The following ENTHD1 variants were observed in gnomAD, a reference collection of about 807,000 sequenced individuals.
ENTHD1 encodes ENTH domain-containing protein 1.
Under a neutral mutation model 39.1 loss-of-function variants are expected in ENTHD1, and 23 were observed. That is an observed-to-expected ratio of 0.59 (90% CI 0.42 to 0.83). The LOEUF (loss-of-function observed/expected upper bound fraction) is 0.83. Among genes scored for constraint, ENTHD1 ranks in the 40% least tolerant of loss-of-function variants. ENTHD1 has a pLI of 0.00. For missense variants in ENTHD1, 624 were observed against 705.4 expected (o/e 0.88, Z 1.31); for synonymous variants, 230 against 258.2 (o/e 0.89, Z 1.05).
chr22:39,854,874 A>C lies in ENTHD1; in HGVS notation c.592+6891T>G, dbSNP rs576123593. ...TCAATTTTACATTTCACTGTAACTA[A>C]ATAACTTAGAGACATCTTTAGACTC... On this transcript the variant is annotated intron_variant, in intron 3 of 6. Coordinates refer to ENST00000325157, the MANE Select transcript of ENTHD1 (RefSeq NM_152512.4). Among the ~76,000 whole-genome samples the C allele has an allele frequency of 3.9e-5, 6 of 152,326 alleles. No homozygotes were observed. The East Asian group carries it at 1.2e-3, about 29-fold the overall frequency.
intron 5 of ENTHD1, among the ~76,000 whole-genome samples, chr22:39,819,904 CA>C (rs1178315694): frequency 1.8e-4 from 27 of 152,156 alleles, no homozygotes; most frequent in Admixed American, 1.8e-3. Flanking sequence ...AAAAAACTGT[CA>C]GGGGGTGCAG....
At chr22:39,766,776 T>A (rs1243575649) in intron 5 of ENTHD1, among the ~76,000 whole-genome samples, 1 of 152,192 alleles carries the variant, frequency 6.6e-6, no homozygotes, top group African/African-American at 2.4e-5. Context: ...TTCATTTTCA[T>A]CTGCAGTTGG....
At chr22:39,784,290 G>C (rs2146590475) in intron 5 of ENTHD1, among the ~76,000 whole-genome samples, 1 of 152,258 alleles carries the variant, frequency 6.6e-6, no homozygotes, top group African/African-American at 2.4e-5. Context: ...GGCGTATACT[G>C]TTGGTGGGAA....
At chr22:39,846,696 GA>G (rs919698047) in intron 3 of ENTHD1, among the ~76,000 whole-genome samples, 2 of 151,874 alleles carry the variant, frequency 1.3e-5, no homozygotes, top group South Asian at 4.2e-4. Context: ...AAATTTACAA[GA>G]AAAAAACAAA....
chr22:39,747,528 T>C (rs536744902), intron 6 of ENTHD1, among the ~76,000 whole-genome samples: 116 of 152,280 alleles, frequency 7.6e-4, no homozygotes, highest in African/African-American at 2.7e-3. Flanking sequence ...TACTGTATTA[T>C]AGAATTATGT....
chr22:39,861,221 C>G (rs913253255), intron 3 of ENTHD1, among the ~76,000 whole-genome samples: 5 of 152,128 alleles, frequency 3.3e-5, no homozygotes, highest in Non-Finnish European at 5.9e-5. Flanking sequence ...TTATTTGAAT[C>G]AAAGATAACT....
At chr22:39,801,137 T>C (rs1038628208) in intron 5 of ENTHD1, among the ~76,000 whole-genome samples, 4 of 152,218 alleles carry the variant, frequency 2.6e-5, no homozygotes, top group Admixed American at 6.5e-5. Flanking sequence ...TCCAAGTTTA[T>C]AGGTAGCAAA....
At chr22:39,842,526 C>T (rs2065952870) in intron 3 of ENTHD1, among the ~76,000 whole-genome samples, 1 of 152,090 alleles carries the variant, frequency 6.6e-6, no homozygotes, top group Admixed American at 6.6e-5. Flanking sequence ...CAGTTGATCG[C>T]ACCATTCAGG....
rs1288351798 is a variant in ENTHD1 at position 39,893,737 on chromosome 22, T to A, written c.-198A>T. 6.6e-6 allele frequency: 1 copy of A among 152,136 alleles called. No homozygotes were observed. The highest frequency in any genetic ancestry group is 1.5e-5 in the Non-Finnish European group (1 of 68,062). The allele number at this position is 152,136 out of a possible 1,614,324, so 9.4% of individuals were successfully genotyped here. The stretch of plus-strand genomic sequence containing the variant: ...CGCTGCCCAACGACCAAACTTCCTC[T>A]CCCCAGGATATTCCACCTACTCCAG... On this transcript the variant is annotated 5_prime_UTR_variant, in exon 1 of 7. Transcript: ENST00000325157.
chr22:39,746,190 T>C (rs1247045588), intron 6 of ENTHD1, among the ~76,000 whole-genome samples: 1 of 152,190 alleles, frequency 6.6e-6, no homozygotes, highest in African/African-American at 2.4e-5. Context: ...TTACTTTTCT[T>C]TCCCATTTTC....
Position 39,887,688 on chromosome 22 carries a change from CTT to C in ENTHD1, c.59_60del (p.Lys20SerfsTer7). 1 of 1,597,878 alleles carries C rather than the reference CTT, an allele frequency of 6.3e-7. No individual in the cohort carries two copies. The highest frequency in any genetic ancestry group is 8.5e-7 in the Non-Finnish European group (1 of 1,173,750). On this transcript the variant is annotated frameshift_variant, in exon 2 of 7. Transcript: ENST00000325157. LOFTEE classifies it high-confidence loss of function. ...FVKNYSDAEI[K>X]VREATSNDPW... is the part of the protein sequence containing the mutation. Reference sequence around the variant, plus strand: ...GGGTCGTTAGAAGTTGCTTCCCTGACTTTTATTTCAGCATCTGAGTAATTTTT... The same window carrying C: ...GGGTCGTTAGAAGTTGCTTCCCTGACTTATTTCAGCATCTGAGTAATTTTT...
chr22:39,842,524 C>G (rs12157426), intron 3 of ENTHD1, among the ~76,000 whole-genome samples: 1 of 152,088 alleles, frequency 6.6e-6, no homozygotes, highest in African/African-American at 2.4e-5. Flanking sequence ...TCCAGTTGAT[C>G]GCACCATTCA....
intron 5 of ENTHD1, among the ~76,000 whole-genome samples, chr22:39,810,590 G>A (rs2065677730): frequency 6.6e-6 from 1 of 152,148 alleles, no homozygotes; most frequent in Non-Finnish European, 1.5e-5. Context: ...CACCATCAAA[G>A]ATTTCAAAGT....
chr22:39,790,907 T>A (rs2065498700), intron 5 of ENTHD1, among the ~76,000 whole-genome samples: 1 of 152,132 alleles, frequency 6.6e-6, no homozygotes, highest in Admixed American at 6.6e-5. Flanking sequence ...CTCCTCACAC[T>A]AGATTCTCCC....
At chr22:39,883,003 C>CAAAAAAAA (rs58964198) in intron 2 of ENTHD1, among the ~76,000 whole-genome samples, 41 of 47,648 alleles carry the variant, frequency 8.6e-4, no homozygotes, top group Non-Finnish European at 1.0e-3. Context: ...GACTTCATCT[C>CAAAAAAAA]AAAAAAAAAA....
At chr22:39,766,938 T>C (rs1372868052) in intron 5 of ENTHD1, among the ~76,000 whole-genome samples, 3 of 152,176 alleles carry the variant, frequency 2.0e-5, no homozygotes, top group Non-Finnish European at 4.4e-5. Flanking sequence ...CTTTAAAGCT[T>C]GCCCTGACCC....
At chr22:39,778,439 T>TAATA (rs2065382615) in intron 5 of ENTHD1, among the ~76,000 whole-genome samples, 1 of 152,186 alleles carries the variant, frequency 6.6e-6, no homozygotes, top group South Asian at 2.1e-4. Flanking sequence ...TACAGACCAC[T>TAATA]AATACACTTT....
At chr22:39,762,223 T>C (rs77105266) in intron 6 of ENTHD1, among the ~76,000 whole-genome samples, 2,374 of 152,206 alleles carry the variant, frequency 0.016, 25 homozygotes, top group Non-Finnish European at 0.023. Context: ...GGTCAAGAAT[T>C]TGGGAAGAGT....
Position 39,887,885 on chromosome 22 carries a change from T to C in ENTHD1, c.-137A>G, listed in dbSNP as rs2066394171. ...CAAATACAAATAATTAATCTCTATG[T>C]TGATAAAGTATCAATTTCCTGCAAG... is the stretch of plus-strand genomic sequence containing the variant. On this transcript the variant is annotated 5_prime_UTR_variant, in exon 2 of 7. Transcript: ENST00000325157. 7 of 587,096 alleles carry C rather than the reference T, an allele frequency of 1.2e-5. No homozygotes were observed. The highest frequency in any genetic ancestry group is 1.9e-5 in the Non-Finnish European group (7 of 359,014). 36.4% of individuals were successfully genotyped at this position (587,096 alleles called of 1,614,324 possible). A position where few individuals can be genotyped will look rare whatever the true frequency, so the allele number is the denominator to read the frequency against.
Sources: allele counts gnomAD v4.1 joint callset (sites outside exome capture counted in the v4.1 genomes callset), GRCh38; gene constraint gnomAD v4.1.1; transcripts MANE v1.5; gene names NCBI Gene and HGNC (gene_info 2026-07-23, HGNC 2026-07-21).